The following RAD51C variants were observed in gnomAD, a reference collection of about 807,000 sequenced individuals.
The protein encoded by RAD51C is RAD51 paralog C.
RAD51C carries 42 observed loss-of-function variants against 45.0 expected under a neutral mutation model. The observed-to-expected ratio is 0.93, with a 90% CI of 0.73 to 1.21. The LOEUF (loss-of-function observed/expected upper bound fraction) is 1.21. Among genes scored for constraint, RAD51C ranks in the 50% most tolerant of loss-of-function variants. The pLI is 0.00. For missense variants in RAD51C, 474 were observed against 452.2 expected (o/e 1.05, Z -0.44); for synonymous variants, 172 against 159.8 (o/e 1.08, Z -0.58).
At position 58,692,933 on chromosome 17, in the gene RAD51C, C is replaced by G. The variant is rs938025916; in HGVS notation, c.145+145C>G. The G allele has an allele frequency of 2.5e-6, 3 of 1,185,574 alleles. No individual in the cohort carries two copies. In the Admixed American group the frequency reaches 6.4e-5, roughly 25 times the overall value. 73.4% of individuals were successfully genotyped at this position (1,185,574 alleles called of 1,614,324 possible). A position where few individuals can be genotyped will look rare whatever the true frequency, so the allele number is the denominator to read the frequency against. On this transcript the variant is annotated intron_variant, in intron 1 of 8. Coordinates refer to ENST00000337432, the MANE Select transcript of RAD51C (RefSeq NM_058216.3). ...ATGTTTACAGCGTGAAAGAGCTCCT[C>G]GACTCCACTTACAAGTTGTCTGAAT...
rs1190253296 is a variant in RAD51C, at chr17:58,732,229, C to T, written c.966-255C>T. 1.6e-5 allele frequency: 6 copies of T among 378,148 alleles called. No homozygotes were observed. The East Asian group carries it at 2.9e-4, about 19-fold the overall frequency. 23.4% of individuals were successfully genotyped at this position (378,148 alleles called of 1,614,324 possible). The stretch of plus-strand genomic sequence containing the variant: ...GTTTTTAGCATAAGTAATATCTCAT[C>T]ATATGTAAAATAATTTATTTGAATC... On this transcript the variant is annotated intron_variant, in intron 7 of 8. Transcript: ENST00000337432.
chr17:58,694,815 A>G, intron 1 of RAD51C, 116 bp from the exon 2 acceptor site: 1 of 1,021,782 alleles, frequency 9.8e-7, no homozygotes, highest in Admixed American at 1.8e-5. Flanking sequence ...TTGCATTTTT[A>G]TGTTTCTCCA....
chr17:58,696,950 AAT>A, intron 3 of RAD51C, 91 bp downstream of exon 3: 2 of 1,419,386 alleles, frequency 1.4e-6, no homozygotes, highest in Non-Finnish European at 2.0e-6. Context: ...CTCCATTTGG[AAT>A]GTGAAGCCTA....
intron 5 of RAD51C, among the ~76,000 whole-genome samples, chr17:58,714,967 A>G (rs887808294): frequency 6.6e-6 from 1 of 152,088 alleles, no homozygotes; most frequent in African/African-American, 2.4e-5. Flanking sequence ...GTCATCCTAA[A>G]AAAGAAACCC....
chr17:58,723,927 A>T, intron 6 of RAD51C, 113 bp from the exon 7 acceptor site: 3 of 979,408 alleles, frequency 3.1e-6, no homozygotes, highest in Non-Finnish European at 4.8e-6. Flanking sequence ...AAGCAAGTAT[A>T]CTTTCGTTAT....
At chr17:58,708,702 G>GC (rs544917354) in intron 4 of RAD51C, among the ~76,000 whole-genome samples, 1 of 84,574 alleles carries the variant, frequency 1.2e-5, no homozygotes, top group Middle Eastern at 0.01. Flanking sequence ...TTTTTGCTTT[G>GC]GGGGGGGCTT....
chr17:58,721,441 T>G (rs1170899097), intron 6 of RAD51C, among the ~76,000 whole-genome samples: 1 of 152,172 alleles, frequency 6.6e-6, no homozygotes, highest in African/African-American at 2.4e-5. Context: ...AAGATTTATT[T>G]CCACTAAAAT....
At position 58,735,460 on chromosome 17, in the gene RAD51C, G is replaced by A. The variant is rs1335987481; in HGVS notation, c.*1238G>A. Reference sequence around the variant, plus strand: ...GATCCTCTTGCCTTGTCTTCCCAAAGTGCTGGGATTACAGATGTGAGCCAC... The same window carrying A: ...GATCCTCTTGCCTTGTCTTCCCAAAATGCTGGGATTACAGATGTGAGCCAC... On this transcript the variant is annotated 3_prime_UTR_variant, in exon 9 of 9. Coordinates refer to ENST00000337432, the MANE Select transcript of RAD51C (RefSeq NM_058216.3). 1.3e-5 allele frequency: 2 copies of A among 152,176 alleles called. No individual in the cohort carries two copies. Among genetic ancestry groups the A allele is most frequent in the African/African-American group, 4.8e-5 (2 of 41,432 alleles). The allele number at this position is 152,176 out of a possible 1,614,324, so 9.4% of individuals were successfully genotyped here. A position where few individuals can be genotyped will look rare whatever the true frequency, so the allele number is the denominator to read the frequency against.
At chr17:58,732,826 G>A in intron 8 of RAD51C, 1 of 354,080 alleles carries the variant, frequency 2.8e-6, no homozygotes, top group South Asian at 4.0e-5. Context: ...TAAAGTGAAA[G>A]TTGTTGAAGA....
At chr17:58,716,962 G>T (rs1055254799) in intron 5 of RAD51C, among the ~76,000 whole-genome samples, 8 of 151,804 alleles carry the variant, frequency 5.3e-5, no homozygotes, top group African/African-American at 1.9e-4. Flanking sequence ...CACCACGCCC[G>T]GCTAATTTTT....
chr17:58,715,652 C>T (rs562373106), intron 5 of RAD51C, among the ~76,000 whole-genome samples: 2 of 152,144 alleles, frequency 1.3e-5, no homozygotes, highest in Admixed American at 6.6e-5. Context: ...CAAGGTTTAT[C>T]TGTATTTTAG....
chr17:58,720,439 TAA>T (rs1361823042), intron 5 of RAD51C, among the ~76,000 whole-genome samples: 1 of 151,246 alleles, frequency 6.6e-6, no homozygotes, highest in East Asian at 2.0e-4. Context: ...AAATAAAAAA[TAA>T]AATCACAAGA....
intron 5 of RAD51C, among the ~76,000 whole-genome samples, chr17:58,716,059 C>T (rs551314456): frequency 6.1e-4 from 90 of 148,708 alleles, no homozygotes; most frequent in African/African-American, 2.2e-3. Flanking sequence ...GAGCCGAGGT[C>T]ATGCCACTGC....
chr17:58,696,765 T>TA lies in RAD51C; in HGVS notation c.478dup (p.Thr160AsnfsTer8). 6.2e-7 allele frequency: 1 copy of TA among 1,614,222 alleles called. No individual in the cohort carries two copies. The highest frequency in any genetic ancestry group is 8.5e-7 in the Non-Finnish European group (1 of 1,180,038). Reference sequence around the variant, plus strand: ...TGGCAGGTGAAGCAGTTTTTATTGATACAGAGGGAAGTTTTATGGTTGATA... The same window carrying TA: ...TGGCAGGTGAAGCAGTTTTTATTGATAACAGAGGGAAGTTTTATGGTTGATA... On this transcript the variant is annotated frameshift_variant, in exon 3 of 9. Transcript: ENST00000337432. LOFTEE classifies it high-confidence loss of function.
At chr17:58,722,505 C>A (rs2048952901) in intron 6 of RAD51C, among the ~76,000 whole-genome samples, 1 of 152,040 alleles carries the variant, frequency 6.6e-6, no homozygotes, top group African/African-American at 2.4e-5. Context: ...AAGTGACTGC[C>A]CTGTTGTGTA....
chr17:58,693,154 G>C (rs1159455342), intron 1 of RAD51C: 1 of 269,896 alleles, frequency 3.7e-6, no homozygotes. Context: ...GGAAATACTG[G>C]AGTCAGAATT....
chr17:58,696,825 C>A lies in RAD51C; in HGVS notation c.537C>A (p.His179Gln), dbSNP rs372385738. The change falls in exon 3 of 9, where the codon CAC (histidine) becomes CAA (glutamine). Residue 179 changes from histidine (H) to glutamine (Q), a missense_variant. His to Gln is a conservative substitution (Grantham distance 24). Transcript: ENST00000337432. ...VVDLATACIQ[H>Q]LQLIAEKHKG... is the part of the protein sequence containing the mutation. ...ACCTTGCTACTGCCTGCATTCAGCA[C>A]CTTCAGCTTATAGCAGAAAAACACA... 4.3e-6 allele frequency: 7 copies of A among 1,614,134 alleles called. No homozygotes were observed. In the Admixed American group the frequency reaches 1.2e-4, roughly 27 times the overall value.
intron 7 of RAD51C, among the ~76,000 whole-genome samples, chr17:58,730,140 A>G (rs1452706637): frequency 6.6e-6 from 1 of 150,476 alleles, no homozygotes; most frequent in East Asian, 1.9e-4. Flanking sequence ...ATAAAAGTTT[A>G]TAATTCCACT....
chr17:58,728,241 T>C (rs2049251955), intron 7 of RAD51C, among the ~76,000 whole-genome samples: 1 of 148,084 alleles, frequency 6.8e-6, no homozygotes, highest in South Asian at 2.1e-4. Context: ...TAAGACTCTG[T>C]CTCAAAAAAA....
Sources: allele counts gnomAD v4.1 joint callset (sites outside exome capture counted in the v4.1 genomes callset), GRCh38; gene constraint gnomAD v4.1.1; transcripts MANE v1.5; gene names NCBI Gene and HGNC (gene_info 2026-07-23, HGNC 2026-07-21).